FIRRM: variants seen among roughly 807,000 people sequenced by gnomAD.
FIRRM encodes FIGNL1-interacting regulator of recombination and mitosis.
the FIRRM span, among the ~76,000 whole-genome samples, chr1:169,824,530 C>T: frequency 6.6e-6 from 1 of 152,226 alleles, no homozygotes; most frequent in Non-Finnish European, 1.5e-5. Context: ...AAAGAGTTGT[C>T]TATACCCCTG....
At chr1:169,843,596 A>G in the FIRRM span, 1 of 837,658 alleles carries the variant, frequency 1.2e-6, no homozygotes, top group Admixed American at 1.9e-5. Flanking sequence ...GATATATAAT[A>G]AATGCTCAAT....
the FIRRM span, chr1:169,852,830 A>AAGAGT: frequency 6.2e-7 from 1 of 1,614,148 alleles, no homozygotes; most frequent in Non-Finnish European, 8.5e-7. Flanking sequence ...CCCTGGGAAG[A>AAGAGT]AGAGTACAGG....
At chr1:169,797,216 T>A in the FIRRM span, among the ~76,000 whole-genome samples, 2 of 152,238 alleles carry the variant, frequency 1.3e-5, no homozygotes, top group Admixed American at 1.3e-4. Flanking sequence ...AATACTTTTT[T>A]TCAGCTTAAT....
the FIRRM span, among the ~76,000 whole-genome samples, chr1:169,799,482 C>A: frequency 4.1e-4 from 62 of 152,238 alleles, no homozygotes; most frequent in Middle Eastern, 3.4e-3. Flanking sequence ...GTTAGCTTTT[C>A]TATTTAGAGT....
chr1:169,792,996 T>C, the FIRRM span: 13 of 1,614,004 alleles, frequency 8.1e-6, no homozygotes, highest in African/African-American at 4.0e-5. Flanking sequence ...AAAGTGGAGT[T>C]AGCTACTACA....
chr1:169,799,833 G>A, the FIRRM span, among the ~76,000 whole-genome samples: 2,736 of 152,256 alleles, frequency 0.018, 85 homozygotes, highest in African/African-American at 0.062. Flanking sequence ...GATTACAGGC[G>A]TGAGCCGCTG....
At chr1:169,795,179 G>A in the FIRRM span, 1 of 1,536,078 alleles carries the variant, frequency 6.5e-7, no homozygotes, top group East Asian at 2.4e-5. Context: ...GAGCTATGCC[G>A]CCGGGAACTG....
chr1:169,833,795 G>C, the FIRRM span, among the ~76,000 whole-genome samples: 1 of 151,452 alleles, frequency 6.6e-6, no homozygotes, highest in Non-Finnish European at 1.5e-5. Context: ...GAAGAAGTGG[G>C]ACTGGGAGGG....
At chr1:169,809,293 G>A in the FIRRM span, among the ~76,000 whole-genome samples, 2 of 151,276 alleles carry the variant, frequency 1.3e-5, no homozygotes, top group South Asian at 2.1e-4. Flanking sequence ...CACTTCATTC[G>A]TGCATCCTTT....
chr1:169,799,196 A>G, the FIRRM span, among the ~76,000 whole-genome samples: 19 of 152,254 alleles, frequency 1.2e-4, no homozygotes, highest in Admixed American at 7.2e-4. Flanking sequence ...TGATGTATGT[A>G]TAAACAAATT....
chr1:169,833,908 G>A, the FIRRM span, among the ~76,000 whole-genome samples: 30 of 138,772 alleles, frequency 2.2e-4, no homozygotes, highest in Non-Finnish European at 4.1e-4. Flanking sequence ...GCCCAGGCTG[G>A]TCTCAAACTT....
the FIRRM span, among the ~76,000 whole-genome samples, chr1:169,804,781 CA>C: frequency 6.6e-6 from 1 of 152,170 alleles, no homozygotes; most frequent in South Asian, 2.1e-4. Flanking sequence ...CTCCCGGACT[CA>C]AGCGATTCTC....
At chr1:169,839,246 CT>C in the FIRRM span, among the ~76,000 whole-genome samples, 59 of 152,060 alleles carry the variant, frequency 3.9e-4, no homozygotes, top group Non-Finnish European at 8.7e-4. Flanking sequence ...GTACATGTGT[CT>C]TTTTGGTAGA....
At chr1:169,794,892 T>G in the FIRRM span, 1 of 565,396 alleles carries the variant, frequency 1.8e-6, no homozygotes, top group African/African-American at 1.9e-5. Context: ...CCTCCGGACC[T>G]AAATCGCGCA....
the FIRRM span, chr1:169,847,797 T>A: frequency 2.5e-6 from 4 of 1,572,920 alleles, no homozygotes. Flanking sequence ...TACCTGAAGC[T>A]ATCCAGGTAA....
At chr1:169,801,974 A>C in the FIRRM span, among the ~76,000 whole-genome samples, 4 of 152,218 alleles carry the variant, frequency 2.6e-5, no homozygotes, top group East Asian at 7.7e-4. Flanking sequence ...GAGTGTTAAC[A>C]GGCCTATGGG....
At chr1:169,793,052 A>C in the FIRRM span, 1 of 1,614,038 alleles carries the variant, frequency 6.2e-7, no homozygotes, top group African/African-American at 1.3e-5. Context: ...ATAATCTTGA[A>C]AGTGAATTTC....
At chr1:169,842,822 G>GT in the FIRRM span, among the ~76,000 whole-genome samples, 24 of 152,030 alleles carry the variant, frequency 1.6e-4, no homozygotes, top group Middle Eastern at 3.2e-3. Flanking sequence ...TTCCCCTATT[G>GT]TTTCTGTTCT....
the FIRRM span, among the ~76,000 whole-genome samples, chr1:169,820,725 A>G: frequency 2.6e-5 from 4 of 152,172 alleles, no homozygotes; most frequent in Non-Finnish European, 5.9e-5. Flanking sequence ...CTACTTAACG[A>G]AAGTTGACTA....
Sources: allele counts gnomAD v4.1 joint callset (sites outside exome capture counted in the v4.1 genomes callset), GRCh38; gene constraint gnomAD v4.1.1; transcripts MANE v1.5; gene names NCBI Gene and HGNC (gene_info 2026-07-23, HGNC 2026-07-21).